Variants in LGALS9 observed in about 807,000 individuals in gnomAD.
LGALS9 encodes the protein galectin 9.
In LGALS9, 26 loss-of-function variants were observed where a neutral mutation model predicts 35.9. The ratio of observed to expected loss-of-function variants is 0.72; its 90% CI spans 0.53 to 1.01. The LOEUF (loss-of-function observed/expected upper bound fraction) is 1.01, where lower values mean the gene tolerates loss of function less well. LGALS9 is among the 50% of genes least tolerant of loss of function. The pLI is 0.00. For synonymous variants in LGALS9, 149 were observed against 172.2 expected (o/e 0.87, Z 1.06); for missense variants, 347 against 445.8 (o/e 0.78, Z 1.99).
chr17:27,646,529 C>T lies in LGALS9; in HGVS notation c.628-18C>T. ...CCCATGTGCTCTCCCATTGAATTTC[C>T]TGGTTTCTTTTCAACAGACTCCCGC... On this transcript the variant is annotated intron_variant, in intron 7 of 10. Transcript: ENST00000395473. 1 of 1,612,044 alleles carries T rather than the reference C, an allele frequency of 6.2e-7. No homozygotes were observed. Among genetic ancestry groups the T allele is most frequent in the East Asian group, 2.2e-5 (1 of 44,874 alleles).
At chr17:27,642,940 G>A (rs1012623694) in intron 4 of LGALS9, among the ~76,000 whole-genome samples, 1 of 152,176 alleles carries the variant, frequency 6.6e-6, no homozygotes, top group African/African-American at 2.4e-5. Flanking sequence ...TGGTGGTGGA[G>A]GTCTGCAGTC....
intron 5 of LGALS9, chr17:27,643,933 C>T: frequency 2.9e-6 from 1 of 340,422 alleles, no homozygotes; most frequent in Non-Finnish European, 5.4e-6. Context: ...CTACACCCAA[C>T]CACTGCCACA....
intron 6 of LGALS9, chr17:27,645,619 C>T: frequency 3.3e-6 from 2 of 603,998 alleles, no homozygotes; most frequent in Non-Finnish European, 2.9e-6. Context: ...AGAGACGTTT[C>T]CCCGAGAGGA....
chr17:27,639,463 T>G (rs113932444), intron 2 of LGALS9, among the ~76,000 whole-genome samples: 146 of 152,192 alleles, frequency 9.6e-4, no homozygotes, highest in African/African-American at 2.7e-3. Flanking sequence ...CTCCCTTCCT[T>G]GGGGCAGGAA....
intron 1 of LGALS9, among the ~76,000 whole-genome samples, chr17:27,637,846 G>C (rs568089087): frequency 1.3e-5 from 2 of 152,272 alleles, no homozygotes; most frequent in East Asian, 3.9e-4. Context: ...TGGGACCTTT[G>C]CTGGGAGCTT....
chr17:27,647,690 T>C (rs1031404455), intron 10 of LGALS9, among the ~76,000 whole-genome samples: 24 of 152,342 alleles, frequency 1.6e-4, no homozygotes, highest in African/African-American at 5.5e-4. Context: ...TCAGTAAGTG[T>C]CAAATCAGAC....
Position 27,648,939 on chromosome 17 carries a change from T to C in LGALS9, c.1025T>C (p.Leu342Pro), listed in dbSNP as rs767755654. 21 of 1,613,790 alleles carry C rather than the reference T, an allele frequency of 1.3e-5. No individual in the cohort carries two copies. In the Admixed American group the frequency reaches 2.3e-4, roughly 18 times the overall value. The change falls in exon 11 of 11, where the codon CTG becomes CCG. Residue 342 changes from leucine (L) to proline (P), a missense_variant. Physicochemically the swap from Leu to Pro is moderately conservative, Grantham distance 98. Transcript: ENST00000395473. ...RLRNLPTINR[L>P]EVGGDIQLTH... ...AGGAACCTGCCCACCATCAACAGAC[T>C]GGAAGTGGGGGGCGACATCCAGCTG...
chr17:27,635,058 G>A (rs1007830782), intron 1 of LGALS9, among the ~76,000 whole-genome samples: 2 of 152,114 alleles, frequency 1.3e-5, no homozygotes, highest in African/African-American at 4.8e-5. Context: ...TTTCCTGTCA[G>A]AGGACTTTTA....
chr17:27,647,572 C>T lies in LGALS9; in HGVS notation c.921+140C>T, dbSNP rs996774978. 4.2e-6 allele frequency: 5 copies of T among 1,196,626 alleles called. No individual in the cohort carries two copies. In the Admixed American group the frequency reaches 1.2e-4, roughly 29 times the overall value. 74.1% of individuals were successfully genotyped at this position (1,196,626 alleles called of 1,614,324 possible). A position where few individuals can be genotyped will look rare whatever the true frequency, so the allele number is the denominator to read the frequency against. On this transcript the variant is annotated intron_variant, in intron 10 of 10. Coordinates refer to ENST00000395473, the MANE Select transcript of LGALS9 (RefSeq NM_009587.3). The stretch of plus-strand genomic sequence containing the variant: ...GCCCAAAAGAAGAGAAGGTGGCCAA[C>T]AAATTATTATTATTATTACTGTCCC...
At position 27,642,312 on chromosome 17, in the gene LGALS9, C is replaced by G; in HGVS notation, c.408C>G (p.Val136=). 1 of 1,612,376 alleles carries G rather than the reference C, an allele frequency of 6.2e-7. No homozygotes were observed. The change falls in exon 4 of 11, where the codon GTC becomes GTG. Residue 136 remains valine, a synonymous_variant. Coordinates refer to ENST00000395473, the MANE Select transcript of LGALS9 (RefSeq NM_009587.3). ...VPFHRVDTIS[V]NGSVQLSYIS... ...TCCACCGTGTGGACACCATCTCCGT[C>G]AATGGCTCTGTGCAGCTGTCCTACA... is the stretch of plus-strand genomic sequence containing the variant.
intron 4 of LGALS9, 72 bp from the exon 5 acceptor site, chr17:27,643,453 C>T (rs564389809): frequency 2.5e-6 from 4 of 1,599,418 alleles, no homozygotes. Context: ...CTTGCCCCTG[C>T]CTCTGCCTTT....
At position 27,636,847 on chromosome 17, in the gene LGALS9, G is replaced by A. The variant is rs532412295; in HGVS notation, c.40-1416G>A. On this transcript the variant is annotated intron_variant, in intron 1 of 10. Transcript: ENST00000395473. The stretch of plus-strand genomic sequence containing the variant: ...AAAGTTTTATAGAAAAAAAAAATCC[G>A]GACTTCTGTCTTCTCTTAAAAATTT... 1.6e-4 allele frequency among the ~76,000 whole-genome samples: 24 copies of A among 152,002 alleles called. No homozygotes were observed. In the South Asian group the frequency reaches 2.7e-3, roughly 17 times the overall value.
rs1403467498 is a variant in LGALS9, at chr17:27,639,075, ACT to A, written c.131+729_131+730del. Among the ~76,000 whole-genome samples, 3 of 151,760 alleles carry A rather than the reference ACT, an allele frequency of 2.0e-5. No individual in the cohort carries two copies. The South Asian group carries it at 6.3e-4, about 32-fold the overall frequency. The stretch of plus-strand genomic sequence containing the variant: ...CCACAGAAGAGCCTCTGGACTCATG[ACT>A]CTCTCTCGGAAGCCTCTCTGCCTCA... On this transcript the variant is annotated intron_variant, in intron 2 of 10. Transcript: ENST00000395473.
chr17:27,644,507 G>A (rs1447508851), intron 5 of LGALS9: 5 of 152,424 alleles, frequency 3.3e-5, no homozygotes, highest in African/African-American at 1.2e-4. Context: ...CACAGCCAGG[G>A]AGAATGGGAT....
At chr17:27,642,883 A>C (rs1397853352) in intron 4 of LGALS9, among the ~76,000 whole-genome samples, 1 of 152,136 alleles carries the variant, frequency 6.6e-6, no homozygotes, top group Non-Finnish European at 1.5e-5. Context: ...GTGTTTTAAC[A>C]ACTTTGAATG....
chr17:27,648,356 T>C (rs1411756287), intron 10 of LGALS9, among the ~76,000 whole-genome samples: 1 of 152,250 alleles, frequency 6.6e-6, no homozygotes, highest in African/African-American at 2.4e-5. Context: ...AATCATGAAT[T>C]TCCTAGAGTT....
Position 27,647,185 on chromosome 17 carries a change from T to G in LGALS9, c.758+67T>G, listed in dbSNP as rs1026967504. 4.3e-6 allele frequency: 7 copies of G among 1,613,816 alleles called. No homozygotes were observed. In the African/African-American group the frequency reaches 6.7e-5, roughly 15 times the overall value. ...TTCAAGGTCAGTCCAGCCATTCCCCTGGCTTCAGGAAGGCTACTGATGATG... is the reference window on the plus strand; with the variant it reads ...TTCAAGGTCAGTCCAGCCATTCCCCGGGCTTCAGGAAGGCTACTGATGATG... On this transcript the variant is annotated intron_variant, in intron 9 of 10. Coordinates refer to ENST00000395473, the MANE Select transcript of LGALS9 (RefSeq NM_009587.3).
chr17:27,645,204 T>C lies in LGALS9; in HGVS notation c.541-110T>C, dbSNP rs556558813. On this transcript the variant is annotated intron_variant, in intron 5 of 10. Transcript: ENST00000395473. ...TGGGAGCAAGAGGGAGGTGGGTGTG[T>C]CCGGGGAGGCATTTCTGAGCACAAG... 1.3e-4 allele frequency: 211 copies of C among 1,590,610 alleles called. No individual in the cohort carries two copies. The African/African-American group carries it at 2.3e-3, about 18-fold the overall frequency.
chr17:27,631,393 G>A, intron 1 of LGALS9, 89 bp downstream of exon 1: 1 of 1,553,350 alleles, frequency 6.4e-7, no homozygotes, highest in South Asian at 1.1e-5. Flanking sequence ...GGTGGCAGGG[G>A]ATGGGGGTGG....
Sources: allele counts gnomAD v4.1 joint callset (sites outside exome capture counted in the v4.1 genomes callset), GRCh38; gene constraint gnomAD v4.1.1; transcripts MANE v1.5; gene names NCBI Gene and HGNC (gene_info 2026-07-23, HGNC 2026-07-21).